Variants in STAU2 observed in about 807,000 individuals in gnomAD.
The protein encoded by STAU2 is staufen double-stranded RNA binding protein 2.
STAU2 carries 20 observed loss-of-function variants against 65.9 expected under a neutral mutation model. That is an observed-to-expected ratio of 0.30 (90% CI 0.21 to 0.44). The LOEUF is 0.44. STAU2 is among the 20% of genes least tolerant of loss of function. The pLI, the probability that STAU2 is intolerant of heterozygous loss-of-function variation, is 1.00. For synonymous variants in STAU2, 232 were observed against 233.9 expected (o/e 0.99, Z 0.07); for missense variants, 558 against 683.9 (o/e 0.82, Z 2.05).
chr8:73,689,904 T>G (rs1482288059), intron 4 of STAU2, among the ~76,000 whole-genome samples: 2 of 151,624 alleles, frequency 1.3e-5, no homozygotes, highest in Non-Finnish European at 2.9e-5. Context: ...ATGTTTAATC[T>G]GAATCTAATC....
intron 6 of STAU2, among the ~76,000 whole-genome samples, chr8:73,636,857 G>C (rs909998527): frequency 2.8e-5 from 4 of 141,780 alleles, no homozygotes; most frequent in African/African-American, 1.0e-4. Context: ...AGGAGACTCT[G>C]TATTCAAAAA....
chr8:73,535,177 CT>C (rs879868951), intron 13 of STAU2, among the ~76,000 whole-genome samples: 7 of 148,552 alleles, frequency 4.7e-5, no homozygotes, highest in African/African-American at 7.4e-5. Context: ...TTGATCTTTG[CT>C]TTTTTTTTTG....
intron 9 of STAU2, among the ~76,000 whole-genome samples, chr8:73,608,045 C>T (rs1387169232): frequency 2.0e-5 from 3 of 152,154 alleles, no homozygotes; most frequent in Admixed American, 2.0e-4. Flanking sequence ...GTACAGCATC[C>T]AGGCAGATCC....
At chr8:73,669,158 G>A (rs1459802469) in intron 6 of STAU2, 1 of 700,274 alleles carries the variant, frequency 1.4e-6, no homozygotes, top group South Asian at 1.5e-5. Flanking sequence ...ACAGCCTACT[G>A]AGTAATGGTT....
At chr8:73,718,647 C>T (rs542807718) in intron 3 of STAU2, among the ~76,000 whole-genome samples, 1 of 152,270 alleles carries the variant, frequency 6.6e-6, no homozygotes, top group South Asian at 2.1e-4. Flanking sequence ...AGTGAGTAAG[C>T]CAATTCCTAG....
At chr8:73,464,858 T>C (rs1819566026) in intron 13 of STAU2, among the ~76,000 whole-genome samples, 1 of 152,050 alleles carries the variant, frequency 6.6e-6, no homozygotes, top group South Asian at 2.1e-4. Context: ...TCTTTCAGAG[T>C]GATTAAAGAT....
chr8:73,711,853 A>T (rs895993632), intron 3 of STAU2, among the ~76,000 whole-genome samples: 5 of 152,188 alleles, frequency 3.3e-5, no homozygotes, highest in Non-Finnish European at 5.9e-5. Context: ...TAAAGCTTCA[A>T]AATTAAAATC....
intron 6 of STAU2, among the ~76,000 whole-genome samples, chr8:73,642,417 C>T (rs980565925): frequency 2.0e-5 from 3 of 151,946 alleles, no homozygotes; most frequent in Non-Finnish European, 4.4e-5. Flanking sequence ...CAGCTACTCA[C>T]GAGGCTGAGG....
chr8:73,425,381 G>A (rs1816733852), intron 13 of STAU2, among the ~76,000 whole-genome samples: 1 of 152,160 alleles, frequency 6.6e-6, no homozygotes, highest in Admixed American at 6.5e-5. Flanking sequence ...CAGCAGCCAA[G>A]GAACACCAAA....
chr8:73,490,894 C>G (rs1013459810), intron 13 of STAU2, among the ~76,000 whole-genome samples: 2 of 151,888 alleles, frequency 1.3e-5, no homozygotes, highest in Non-Finnish European at 2.9e-5. Flanking sequence ...AAAATTAGAG[C>G]TTCATAAGAA....
chr8:73,469,065 A>T (rs1819821640), intron 13 of STAU2, among the ~76,000 whole-genome samples: 1 of 152,130 alleles, frequency 6.6e-6, no homozygotes, highest in South Asian at 2.1e-4. Context: ...CAAATGTCCA[A>T]CAATGATAGA....
At chr8:73,487,089 T>C (rs1034335874) in intron 13 of STAU2, among the ~76,000 whole-genome samples, 1 of 152,036 alleles carries the variant, frequency 6.6e-6, no homozygotes, top group Admixed American at 6.6e-5. Flanking sequence ...CGTCTGGAAG[T>C]GGTAAAGGCA....
Position 73,706,605 on chromosome 8 carries a change from T to C in STAU2, c.114+2427A>G, listed in dbSNP as rs554599827. 5.3e-5 allele frequency among the ~76,000 whole-genome samples: 8 copies of C among 152,344 alleles called. No individual in the cohort carries two copies. In the East Asian group the frequency reaches 1.5e-3, roughly 29 times the overall value. On this transcript the variant is annotated intron_variant, in intron 4 of 14. Coordinates refer to ENST00000524300, the MANE Select transcript of STAU2 (RefSeq NM_001164380.2). ...AGGATTAATATTAACTATATTATTA[T>C]GTGAACTTATCAATATCATGTTTCA...
chr8:73,503,968 A>G (rs1821903237), intron 13 of STAU2, among the ~76,000 whole-genome samples: 1 of 152,158 alleles, frequency 6.6e-6, no homozygotes, highest in African/African-American at 2.4e-5. Flanking sequence ...ACAAAAGGAC[A>G]AAGTAAAAGA....
intron 12 of STAU2, among the ~76,000 whole-genome samples, chr8:73,569,814 C>G (rs1229419155): frequency 6.6e-6 from 1 of 152,146 alleles, no homozygotes; most frequent in Non-Finnish European, 1.5e-5. Flanking sequence ...CTGTACGTCA[C>G]CATCATCAAA....
At chr8:73,623,387 A>T (rs1813404958) in intron 6 of STAU2, among the ~76,000 whole-genome samples, 1 of 152,202 alleles carries the variant, frequency 6.6e-6, no homozygotes, top group Non-Finnish European at 1.5e-5. Context: ...GGATTTTTAC[A>T]AATTGAAAAA....
intron 6 of STAU2, among the ~76,000 whole-genome samples, chr8:73,635,952 C>CACACA (rs1586165974): frequency 0.08 from 6,438 of 80,124 alleles, 276 homozygotes; most frequent in Admixed American, 0.13. Flanking sequence ...ACACACACAC[C>CACACA]CCTGGAACCA....
At chr8:73,648,729 A>C (rs1815581806) in intron 6 of STAU2, among the ~76,000 whole-genome samples, 1 of 152,120 alleles carries the variant, frequency 6.6e-6, no homozygotes, top group South Asian at 2.1e-4. Flanking sequence ...CTTTACTGTA[A>C]ATGGTTATCC....
intron 11 of STAU2, among the ~76,000 whole-genome samples, chr8:73,588,965 G>A (rs536501772): frequency 7.9e-5 from 12 of 152,128 alleles, no homozygotes; most frequent in African/African-American, 2.2e-4. Context: ...CACAATCCCA[G>A]GATTAAATAA....
Sources: allele counts gnomAD v4.1 joint callset (sites outside exome capture counted in the v4.1 genomes callset), GRCh38; gene constraint gnomAD v4.1.1; transcripts MANE v1.5; gene names NCBI Gene and HGNC (gene_info 2026-07-23, HGNC 2026-07-21).